THOC2: variants seen among roughly 807,000 people sequenced by gnomAD.
THOC2 encodes the protein THO complex subunit 2.
Under a neutral mutation model 128.4 loss-of-function variants are expected in THOC2, and 10 were observed. The ratio of observed to expected loss-of-function variants is 0.08; its 90% CI spans 0.05 to 0.13. The LOEUF is 0.13. Ranked by LOEUF, THOC2 falls within the 10% of genes least tolerant of loss-of-function variation. THOC2 has a pLI of 1.00. For missense variants in THOC2, 535 were observed against 1,155.7 expected (o/e 0.46, Z 7.79); for synonymous variants, 393 against 396.9 (o/e 0.99, Z 0.12).
chrX:123,711,947 C>G (rs1159921083), intron 2 of THOC2, among the ~76,000 whole-genome samples: 1 of 78,696 alleles, frequency 1.3e-5, no homozygotes, highest in African/African-American at 4.7e-5. Context: ...GGAAAGAGAC[C>G]CTGTCTACTT....
chrX:123,672,084 C>T (rs2049299795), intron 8 of THOC2, among the ~76,000 whole-genome samples: 1 of 111,683 alleles, frequency 9.0e-6, no homozygotes, highest in Non-Finnish European at 1.9e-5. Context: ...AAGATTTAGT[C>T]TGCAGTTCTG....
intron 12 of THOC2, among the ~76,000 whole-genome samples, chrX:123,664,993 C>G (rs1397522532): frequency 9.0e-6 from 1 of 111,709 alleles, no homozygotes; most frequent in African/African-American, 3.3e-5. Context: ...TAAGTAACCA[C>G]TAATCATAAG....
At chrX:123,667,014 T>G (rs927464269) in intron 11 of THOC2, 92 bp downstream of exon 11, 1 of 612,294 alleles carries the variant, frequency 1.6e-6, no homozygotes, top group Non-Finnish European at 2.5e-6. Flanking sequence ...CTAAAATATA[T>G]GCTTGGTTTG....
chrX:123,645,212 C>A, intron 13 of THOC2, 122 bp downstream of exon 13: 1 of 498,905 alleles, frequency 2.0e-6, no homozygotes. Flanking sequence ...AAACTATAAT[C>A]AGCATCTACA....
intron 21 of THOC2, 93 bp downstream of exon 21, chrX:123,632,768 G>A: frequency 1.4e-6 from 1 of 724,870 alleles, no homozygotes; most frequent in Non-Finnish European, 2.0e-6. Context: ...TTCAAATGAT[G>A]TGCAAAAATG....
At chrX:123,623,385 G>A (rs1473108505) in intron 28 of THOC2, 102 bp from the exon 29 acceptor site, 2 of 833,577 alleles carry the variant, frequency 2.4e-6, no homozygotes, top group African/African-American at 2.1e-5. Context: ...TCTACTATGT[G>A]GTTCTAGAGA....
intron 4 of THOC2, among the ~76,000 whole-genome samples, 182 bp downstream of exon 4, chrX:123,703,272 A>G (rs781160021): frequency 8.9e-6 from 1 of 112,197 alleles, no homozygotes; most frequent in Admixed American, 9.5e-5. Context: ...TTATACCTCT[A>G]AAGTTTGTTT....
chrX:123,725,559 C>T (rs2051922934), intron 1 of THOC2, among the ~76,000 whole-genome samples: 1 of 92,101 alleles, frequency 1.1e-5, no homozygotes, highest in African/African-American at 4.2e-5. Context: ...GAGTGGTGAT[C>T]GTAGTACCAC....
intron 1 of THOC2, among the ~76,000 whole-genome samples, chrX:123,723,396 G>A (rs898474313): frequency 9.0e-6 from 1 of 110,579 alleles, no homozygotes; most frequent in Non-Finnish European, 1.9e-5. Context: ...GAGCTAAAGT[G>A]TAACCTATAA....
rs770539761 is a variant in THOC2 at position 123,686,617 on chromosome X, T to G, written c.699A>C (p.Glu233Asp). Reference protein sequence around the residue: ...EHDDFFISLLESYMSMCEPQT... With the variant: ...EHDDFFISLLDSYMSMCEPQT... ...GCGGTTCACACATACTCATGTAAGA[T>G]TCTAACAAAGATATAAAGAAGTCAT... Residue 233 changes from glutamate to aspartate, a missense_variant, in exon 8 of 39, where the codon GAA (glutamate) becomes GAC (aspartate). Glu to Asp is a conservative substitution (Grantham distance 45, BLOSUM62 2). Coordinates refer to ENST00000245838, the MANE Select transcript of THOC2 (RefSeq NM_001081550.2). The G allele has an allele frequency of 4.1e-6, 5 of 1,208,636 alleles. No homozygotes were observed. The highest frequency in any genetic ancestry group is 5.6e-6 in the Non-Finnish European group (5 of 893,434).
At chrX:123,620,509 T>A (rs1240263934) in intron 32 of THOC2, 1 of 121,817 alleles carries the variant, frequency 8.2e-6, no homozygotes, top group African/African-American at 3.2e-5. Flanking sequence ...AACTTGTTTA[T>A]CTTGTGTCAT....
intron 22 of THOC2, among the ~76,000 whole-genome samples, 196 bp downstream of exon 22, chrX:123,631,492 T>C (rs975886990): frequency 8.9e-6 from 1 of 111,994 alleles, no homozygotes; most frequent in Admixed American, 9.5e-5. Context: ...AATGATCAAT[T>C]AGACTCCAAA....
chrX:123,701,662 C>T (rs989243291), intron 4 of THOC2, among the ~76,000 whole-genome samples: 3 of 104,432 alleles, frequency 2.9e-5, no homozygotes, highest in Non-Finnish European at 3.9e-5. Context: ...ATATTTTTAA[C>T]TGAAATTTGT....
intron 8 of THOC2, among the ~76,000 whole-genome samples, chrX:123,683,425 C>A (rs1354172884): frequency 1.8e-5 from 2 of 111,097 alleles, no homozygotes; most frequent in Admixed American, 1.9e-4. Flanking sequence ...GACCAATACA[C>A]AGATTGACCA....
intron 33 of THOC2, among the ~76,000 whole-genome samples, chrX:123,615,555 C>T (rs1410578904): frequency 1.8e-5 from 2 of 108,246 alleles, no homozygotes; most frequent in African/African-American, 6.7e-5. Context: ...CATATCTTAA[C>T]ATTATTTATG....
At chrX:123,635,142 A>G (rs1478316495) in intron 19 of THOC2, among the ~76,000 whole-genome samples, 1 of 111,414 alleles carries the variant, frequency 9.0e-6, no homozygotes, top group Non-Finnish European at 1.9e-5. Flanking sequence ...CTAGTATATA[A>G]GTACCAATGA....
intron 22 of THOC2, among the ~76,000 whole-genome samples, chrX:123,630,930 T>C (rs1348136740): frequency 8.9e-6 from 1 of 112,312 alleles, no homozygotes; most frequent in Non-Finnish European, 1.9e-5. Flanking sequence ...TCTGTTTTCT[T>C]CCAAGCCTGA....
At chrX:123,691,889 G>T (rs969056456) in intron 7 of THOC2, among the ~76,000 whole-genome samples, 12 of 112,297 alleles carry the variant, frequency 1.1e-4, no homozygotes, top group Middle Eastern at 4.6e-3. Flanking sequence ...GTCTGTTTTT[G>T]TAAATAACAT....
chrX:123,642,419 C>T (rs2047959894), intron 15 of THOC2, among the ~76,000 whole-genome samples: 1 of 103,314 alleles, frequency 9.7e-6, no homozygotes, highest in African/African-American at 3.6e-5. Flanking sequence ...CGGTGCAAAA[C>T]TCCATCTCCC....
Sources: allele counts gnomAD v4.1 joint callset (sites outside exome capture counted in the v4.1 genomes callset), GRCh38; gene constraint gnomAD v4.1.1; transcripts MANE v1.5; gene names NCBI Gene and HGNC (gene_info 2026-07-23, HGNC 2026-07-21).